ZNF704: variants seen among roughly 807,000 people sequenced by gnomAD.
ZNF704 encodes glucocorticoid induced gene 1.
ZNF704 carries 10 observed loss-of-function variants against 44.7 expected under a neutral mutation model. The ratio of observed to expected loss-of-function variants is 0.22; its 90% CI spans 0.14 to 0.38. The LOEUF (loss-of-function observed/expected upper bound fraction) is 0.38, where lower values mean the gene tolerates loss of function less well. Ranked by LOEUF, ZNF704 falls within the 10% of genes least tolerant of loss-of-function variation. The pLI is 1.00. For synonymous variants in ZNF704, 211 were observed against 207.6 expected (o/e 1.02, Z -0.14); for missense variants, 390 against 545.5 (o/e 0.71, Z 2.84).
At chr8:80,692,857 C>G (rs1465354526) in intron 3 of ZNF704, 147 bp downstream of exon 3, 4 of 693,718 alleles carry the variant, frequency 5.8e-6, no homozygotes, top group Non-Finnish European at 9.8e-6. Context: ...CTCTGGGGGC[C>G]TCGACTTCTT....
intron 2 of ZNF704, chr8:80,812,160 C>CTCCTCCTCTTTATCT (rs892388017): frequency 6.5e-6 from 1 of 152,874 alleles, no homozygotes; most frequent in Non-Finnish European, 1.5e-5. Context: ...CATCTTCCTC[C>CTCCTCCTCTTTATCT]TCCTCCTCTT....
At chr8:80,844,772 A>G (rs189701502) in intron 1 of ZNF704, among the ~76,000 whole-genome samples, 1 of 152,240 alleles carries the variant, frequency 6.6e-6, no homozygotes, top group African/African-American at 2.4e-5. Context: ...GAGACAATCA[A>G]AAGTTATAGT....
chr8:80,677,625 A>C (rs1377967627), intron 4 of ZNF704, among the ~76,000 whole-genome samples: 2 of 152,246 alleles, frequency 1.3e-5, no homozygotes, highest in Non-Finnish European at 2.9e-5. Context: ...AATGATATTA[A>C]GAAACATGAT....
intron 2 of ZNF704, among the ~76,000 whole-genome samples, chr8:80,790,017 G>A (rs1456715946): frequency 1.3e-5 from 2 of 152,180 alleles, no homozygotes; most frequent in East Asian, 3.9e-4. Flanking sequence ...ACAAAGGTAG[G>A]CAAGGTGGGA....
chr8:80,705,736 C>T (rs993952902), intron 2 of ZNF704, among the ~76,000 whole-genome samples: 1 of 152,124 alleles, frequency 6.6e-6, no homozygotes, highest in Non-Finnish European at 1.5e-5. Context: ...TGCCCTGTCT[C>T]TGGCTGCCAG....
rs369485824 is a variant in ZNF704 at position 80,786,196 on chromosome 8, G to A, written c.221+35178C>T. The stretch of plus-strand genomic sequence containing the variant: ...GAGGATCACTTATGCCTGGGAGGCC[G>A]CGGTTGTAGTGAACTGAGATCATGC... On this transcript the variant is annotated intron_variant, in intron 2 of 8. Transcript: ENST00000327835. 1.4e-4 allele frequency among the ~76,000 whole-genome samples: 21 copies of A among 152,296 alleles called. No individual in the cohort carries two copies. The East Asian group carries it at 3.1e-3, about 22-fold the overall frequency.
chr8:80,692,652 G>T (rs1338657283), intron 3 of ZNF704, among the ~76,000 whole-genome samples: 6 of 152,126 alleles, frequency 3.9e-5, no homozygotes, highest in Admixed American at 3.9e-4. Context: ...TGCCTCCCCA[G>T]TCAAACAGAA....
intron 1 of ZNF704, among the ~76,000 whole-genome samples, chr8:80,824,386 A>T (rs1808335336): frequency 6.6e-6 from 1 of 152,202 alleles, no homozygotes; most frequent in African/African-American, 2.4e-5. Context: ...AAAAAAGAGT[A>T]AAAAGAAACA....
In ZNF704 at chr8:80,681,011, GT is replaced by G. The variant is rs953278299; in HGVS notation, c.558+6214del. Among the ~76,000 whole-genome samples the G allele has an allele frequency of 2.6e-5, 4 of 151,992 alleles. No homozygotes were observed. The East Asian group carries it at 7.7e-4, about 29-fold the overall frequency. ...GGCTTTTTTTCCCCCTCTGCATAAT[GT>G]TTTTTTTGATTCACTCACTGTTTCT... On this transcript the variant is annotated intron_variant, in intron 4 of 8. Coordinates refer to ENST00000327835, the MANE Select transcript of ZNF704 (RefSeq NM_001033723.3).
At chr8:80,680,728 G>T (rs1410839413) in intron 4 of ZNF704, among the ~76,000 whole-genome samples, 4 of 152,184 alleles carry the variant, frequency 2.6e-5, no homozygotes, top group Admixed American at 6.5e-5. Flanking sequence ...CGGTTACACA[G>T]TATACATGTT....
chr8:80,680,300 C>T (rs1414428966), intron 4 of ZNF704, among the ~76,000 whole-genome samples: 6 of 151,834 alleles, frequency 4.0e-5, no homozygotes, highest in Non-Finnish European at 8.8e-5. Flanking sequence ...ATGAACGTCA[C>T]TTTATCAGTC....
intron 1 of ZNF704, among the ~76,000 whole-genome samples, chr8:80,842,860 T>G (rs950516746): frequency 1.3e-5 from 2 of 152,214 alleles, no homozygotes; most frequent in Admixed American, 6.5e-5. Context: ...TGCCTTATTC[T>G]ATGTCCCTGA....
chr8:80,862,764 CAAAAAAAA>C (rs71266094), intron 1 of ZNF704, among the ~76,000 whole-genome samples: 2 of 13,076 alleles, frequency 1.5e-4, no homozygotes, highest in African/African-American at 2.6e-4. Flanking sequence ...GACTCCGTCT[CAAAAAAAA>C]AAAAAAAAAA....
intron 2 of ZNF704, among the ~76,000 whole-genome samples, chr8:80,813,526 A>C (rs1478105194): frequency 6.6e-6 from 1 of 152,184 alleles, no homozygotes; most frequent in Non-Finnish European, 1.5e-5. Context: ...ATACATACAC[A>C]CACATACTAC....
Position 80,781,643 on chromosome 8 carries a change from G to A in ZNF704, c.221+39731C>T, listed in dbSNP as rs948912394. 2.6e-5 allele frequency among the ~76,000 whole-genome samples: 4 copies of A among 152,168 alleles called. No individual in the cohort carries two copies. The East Asian group carries it at 5.8e-4, about 22-fold the overall frequency. On this transcript the variant is annotated intron_variant, in intron 2 of 8. Coordinates refer to ENST00000327835, the MANE Select transcript of ZNF704 (RefSeq NM_001033723.3). Reference sequence around the variant, plus strand: ...AGTGACATGTCACGAACCAGCCGGAGAGAAAGGAATACACCAGGATAATCC... The same window carrying A: ...AGTGACATGTCACGAACCAGCCGGAAAGAAAGGAATACACCAGGATAATCC...
chr8:80,660,467 T>C (rs1466745245), intron 6 of ZNF704, among the ~76,000 whole-genome samples: 1 of 136,294 alleles, frequency 7.3e-6, no homozygotes, highest in African/African-American at 3.0e-5. Context: ...TGAAATCTTG[T>C]CTCAAAAAAA....
At chr8:80,872,769 TAC>T (rs1231168013) in intron 1 of ZNF704, among the ~76,000 whole-genome samples, 1 of 152,182 alleles carries the variant, frequency 6.6e-6, no homozygotes, top group Non-Finnish European at 1.5e-5. Flanking sequence ...CGCTTCAGTG[TAC>T]AGGGGACTTC....
chr8:80,815,575 G>C (rs540475202), intron 2 of ZNF704, among the ~76,000 whole-genome samples: 1 of 152,116 alleles, frequency 6.6e-6, no homozygotes, highest in Non-Finnish European at 1.5e-5. Flanking sequence ...AATATATTTT[G>C]AGCATTACAT....
chr8:80,687,356 G>T lies in ZNF704; in HGVS notation c.428C>A (p.Ser143Tyr). The change falls in exon 4 of 9, where the codon TCC (serine) becomes TAC (tyrosine). Residue 143 changes from serine to tyrosine, a missense_variant. Around this residue, in one of 3 missense-constraint regions of ZNF704, gnomAD observed 305 missense variants for 435.7 expected, o/e 0.70. Coordinates refer to ENST00000327835, the MANE Select transcript of ZNF704 (RefSeq NM_001033723.3). ...AGCCGAGAGCGGCGGCGACGGCGTGGACGGGTTGGACTGGTCGCTGGGGGC... is the reference window on the plus strand; with the variant it reads ...AGCCGAGAGCGGCGGCGACGGCGTGTACGGGTTGGACTGGTCGCTGGGGGC... Reference protein sequence around the residue: ...WSAPSDQSNPSTPSPPLSADS... With the variant: ...WSAPSDQSNPYTPSPPLSADS... 1 of 1,608,768 alleles carries T rather than the reference G, an allele frequency of 6.2e-7. No individual in the cohort carries two copies. The highest frequency in any genetic ancestry group is 8.5e-7 in the Non-Finnish European group (1 of 1,179,520).
Sources: gnomAD v4.1 joint callset for allele counts (sites outside exome capture counted in the v4.1 genomes callset) on GRCh38, gnomAD v4.1.1 for gene constraint, gnomAD v4.1.1 regional missense constraint, MANE v1.5 for transcripts, NCBI Gene and HGNC (gene_info 2026-07-23, HGNC 2026-07-21) for gene names.